ZBBX: variants seen among roughly 807,000 people sequenced by gnomAD.
The protein encoded by ZBBX is zinc finger B-box domain containing, also known as zinc finger B-box domain-containing protein 1.
Under a neutral mutation model 108.5 loss-of-function variants are expected in ZBBX, and 101 were observed. That is an observed-to-expected ratio of 0.93 (90% CI 0.79 to 1.10). The LOEUF is 1.10. ZBBX is among the 50% of genes least tolerant of loss of function. ZBBX has a pLI of 0.00. For missense variants in ZBBX, 1,009 were observed against 941.4 expected (o/e 1.07, Z -0.94); for synonymous variants, 356 against 323.4 (o/e 1.10, Z -1.08).
chr3:167,248,453 T>G (rs1379811396), intron 20 of ZBBX, among the ~76,000 whole-genome samples: 1 of 152,106 alleles, frequency 6.6e-6, no homozygotes, highest in Non-Finnish European at 1.5e-5. Context: ...TTTTTCTTTT[T>G]TTTTTTCCTC....
At chr3:167,332,462 TACCTATGAAG>T (rs1357437479) in intron 10 of ZBBX, among the ~76,000 whole-genome samples, 1 of 152,138 alleles carries the variant, frequency 6.6e-6, no homozygotes, top group African/African-American at 2.4e-5. Context: ...CATGCATAGT[TACCTATGAAG>T]ACCAGAAGAA....
chr3:167,312,688 T>C (rs1234207564), intron 16 of ZBBX, among the ~76,000 whole-genome samples: 1 of 152,196 alleles, frequency 6.6e-6, no homozygotes, highest in Non-Finnish European at 1.5e-5. Flanking sequence ...AACAGGAACA[T>C]CAGGAACTAG....
chr3:167,231,091 G>C, the ZBBX span, among the ~76,000 whole-genome samples: 5 of 151,786 alleles, frequency 3.3e-5, no homozygotes, highest in Non-Finnish European at 5.9e-5. Context: ...AAATGGAGAA[G>C]ACCAAAGGAA....
chr3:167,262,324 G>A (rs1271086932), intron 20 of ZBBX, among the ~76,000 whole-genome samples: 2 of 152,158 alleles, frequency 1.3e-5, no homozygotes, highest in Admixed American at 6.5e-5. Context: ...TTCACAATGC[G>A]AGCCAGCCAC....
At chr3:167,181,398 A>G in the ZBBX span, among the ~76,000 whole-genome samples, 1 of 152,216 alleles carries the variant, frequency 6.6e-6, no homozygotes, top group Non-Finnish European at 1.5e-5. Flanking sequence ...AATACAAAAT[A>G]TAACTACTTT....
intron 1 of ZBBX, among the ~76,000 whole-genome samples, chr3:167,406,127 G>A (rs1407788014): frequency 6.6e-6 from 1 of 152,096 alleles, no homozygotes; most frequent in Non-Finnish European, 1.5e-5. Context: ...ATTGTAGTTT[G>A]GCTGATTTTC....
chr3:167,407,858 C>T (rs986060633), upstream of ZBBX, among the ~76,000 whole-genome samples: 10 of 151,926 alleles, frequency 6.6e-5, no homozygotes, highest in South Asian at 1.5e-3. Context: ...ATTACTGATG[C>T]GCTCACAGAC....
chr3:167,192,156 A>G, the ZBBX span, among the ~76,000 whole-genome samples: 1 of 151,878 alleles, frequency 6.6e-6, no homozygotes, highest in Non-Finnish European at 1.5e-5. Flanking sequence ...TATTTATAGT[A>G]CTAGAATGTT....
At chr3:167,261,131 G>A (rs963561901) in intron 20 of ZBBX, among the ~76,000 whole-genome samples, 5 of 152,154 alleles carry the variant, frequency 3.3e-5, no homozygotes, top group African/African-American at 1.2e-4. Flanking sequence ...GAGTCTACCT[G>A]GCTCTGGACT....
chr3:167,244,874 G>A (rs910210326), intron 20 of ZBBX, among the ~76,000 whole-genome samples: 1 of 151,716 alleles, frequency 6.6e-6, no homozygotes, highest in Non-Finnish European at 1.5e-5. Flanking sequence ...ATTAGACTAA[G>A]GAGAAAAAAA....
chr3:167,385,380 G>A (rs1747879577), intron 1 of ZBBX, among the ~76,000 whole-genome samples: 1 of 151,964 alleles, frequency 6.6e-6, no homozygotes, highest in Non-Finnish European at 1.5e-5. Context: ...CCTATATAGG[G>A]CACTTACCGT....
chr3:167,200,773 T>C, the ZBBX span, among the ~76,000 whole-genome samples: 1 of 152,152 alleles, frequency 6.6e-6, no homozygotes, highest in Non-Finnish European at 1.5e-5. Context: ...GGATGACATC[T>C]CCCAAATAAT....
chr3:167,403,838 C>T (rs1264587080), intron 1 of ZBBX, among the ~76,000 whole-genome samples: 14 of 151,684 alleles, frequency 9.2e-5, no homozygotes, highest in Non-Finnish European at 1.3e-4. Context: ...AGAATGCTAA[C>T]TTAATACTAC....
chr3:167,335,467 G>T (rs1013944743), intron 9 of ZBBX, among the ~76,000 whole-genome samples: 13 of 152,042 alleles, frequency 8.6e-5, no homozygotes, highest in Non-Finnish European at 1.6e-4. Context: ...AACTCCAGGG[G>T]TAAGATTCAG....
Position 167,336,610 on chromosome 3 carries a change from T to G in ZBBX, c.529-2625A>C, listed in dbSNP as rs528425496. 6.6e-5 allele frequency among the ~76,000 whole-genome samples: 10 copies of G among 152,300 alleles called. No individual in the cohort carries two copies. The South Asian group carries it at 1.4e-3, about 22-fold the overall frequency. On this transcript the variant is annotated intron_variant, in intron 9 of 21. Coordinates refer to ENST00000675490, the MANE Select transcript of ZBBX (RefSeq NM_001199201.2). ...TGTCGTGACTTGAAATAGAGTCAAA[T>G]TATCTATTCTAGCTTAATTAACCTT...
intron 1 of ZBBX, among the ~76,000 whole-genome samples, chr3:167,406,649 C>T (rs777102340): frequency 6.6e-6 from 1 of 152,154 alleles, no homozygotes; most frequent in Non-Finnish European, 1.5e-5. Context: ...AAAACATTTT[C>T]TCCTTAGAAT....
intron 20 of ZBBX, among the ~76,000 whole-genome samples, chr3:167,269,222 G>C (rs1056529382): frequency 3.3e-5 from 5 of 152,072 alleles, no homozygotes; most frequent in Non-Finnish European, 7.4e-5. Context: ...TCGATTCAGG[G>C]GCCGCTCGCT....
At chr3:167,271,964 T>C (rs561975946) in intron 20 of ZBBX, among the ~76,000 whole-genome samples, 16 of 152,168 alleles carry the variant, frequency 1.1e-4, no homozygotes, top group South Asian at 2.1e-4. Flanking sequence ...ATGGAACCCA[T>C]TTCACAGCAC....
At chr3:167,214,540 T>G in the ZBBX span, among the ~76,000 whole-genome samples, 1 of 152,274 alleles carries the variant, frequency 6.6e-6, no homozygotes, top group South Asian at 2.1e-4. Context: ...TAAATAATAG[T>G]GTGAGACTTC....
Sources: allele counts gnomAD v4.1 joint callset (sites outside exome capture counted in the v4.1 genomes callset), GRCh38; gene constraint gnomAD v4.1.1; transcripts MANE v1.5; gene names NCBI Gene and HGNC (gene_info 2026-07-23, HGNC 2026-07-21).